The following BOLA3 variants were observed in gnomAD, a reference collection of about 807,000 sequenced individuals.
The protein encoded by BOLA3 is bolA-like protein 3.
A neutral mutation model predicts 14.5 loss-of-function variants in BOLA3; 8 were observed. That is an observed-to-expected ratio of 0.55 (90% CI 0.32 to 0.99). The LOEUF (loss-of-function observed/expected upper bound fraction) is 0.99, where lower values mean the gene tolerates loss of function less well. BOLA3 is among the 50% of genes least tolerant of loss of function. The pLI is 0.04. For missense variants in BOLA3, 115 were observed against 138.2 expected (o/e 0.83, Z 0.84); for synonymous variants, 42 against 45.7 (o/e 0.92, Z 0.33).
Position 74,142,314 on chromosome 2 carries a change from A to C in BOLA3, c.216T>G (p.Phe72Leu). The C allele has an allele frequency of 6.2e-7, 1 of 1,614,018 alleles. No individual in the cohort carries two copies. The change falls in exon 3 of 4, where the codon TTT (phenylalanine) becomes TTG (leucine). Residue 72 changes from phenylalanine (F) to leucine (L), a missense_variant. Physicochemically the swap from Phe to Leu is conservative, Grantham distance 22 (BLOSUM62 0). Transcript: ENST00000327428. The stretch of plus-strand genomic sequence containing the variant: ...GCTGCTGGACAGTTCTCTTCTCCTT[A>C]AATTCTTCTGATTCAATTTTAATTT... Reference protein sequence around the residue: ...MYEIKIESEEFKEKRTVQQHQ... With the variant: ...MYEIKIESEELKEKRTVQQHQ...
intron 1 of BOLA3, chr2:74,146,738 C>T (rs1692552516): frequency 6.6e-6 from 1 of 152,300 alleles, no homozygotes; most frequent in African/African-American, 2.4e-5. Context: ...CAGAGCACCT[C>T]CTTTAAAATG....
Position 74,142,342 on chromosome 2 carries a change from T to A in BOLA3, c.188A>T (p.Tyr63Phe), listed in dbSNP as rs891955694. 1 of 1,613,480 alleles carries A rather than the reference T, an allele frequency of 6.2e-7. No homozygotes were observed. ...TDISGGCGAM[Y>F]EIKIESEEFK... Reference sequence around the variant, plus strand: ...TTCTTCTGATTCAATTTTAATTTCATACATCGCCCCACAACCTCCTAAAAT... The same window carrying A: ...TTCTTCTGATTCAATTTTAATTTCAAACATCGCCCCACAACCTCCTAAAAT... The change falls in exon 3 of 4, where the codon TAT becomes TTT. Residue 63 changes from tyrosine (Y) to phenylalanine (F), a missense_variant. Tyr to Phe is a conservative substitution (Grantham distance 22). Coordinates refer to ENST00000327428, the MANE Select transcript of BOLA3 (RefSeq NM_212552.3).
chr2:74,142,443 T>A, intron 2 of BOLA3, 83 bp from the exon 3 acceptor site: 2 of 1,032,784 alleles, frequency 1.9e-6, no homozygotes, highest in Admixed American at 1.7e-5. Context: ...TACTGTACAA[T>A]CCAAAGGTCT....
chr2:74,142,438 T>C, intron 2 of BOLA3, 78 bp from the exon 3 acceptor site: 1 of 1,093,514 alleles, frequency 9.1e-7, no homozygotes, highest in Non-Finnish European at 1.4e-6. Flanking sequence ...TGAAGTACTG[T>C]ACAATCCAAA....
intron 1 of BOLA3, chr2:74,147,340 T>G: frequency 4.8e-6 from 1 of 208,280 alleles, no homozygotes; most frequent in South Asian, 6.5e-5. Context: ...GGGGGAGAGA[T>G]TAGGAGAGCG....
At chr2:74,137,222 C>G (rs985959084) in intron 3 of BOLA3, among the ~76,000 whole-genome samples, 1 of 152,166 alleles carries the variant, frequency 6.6e-6, no homozygotes, top group East Asian at 1.9e-4. Flanking sequence ...GGCACATGAC[C>G]CAAATTGGGC....
chr2:74,142,253 C>T lies in BOLA3; in HGVS notation c.258+19G>A. On this transcript the variant is annotated intron_variant, in intron 3 of 3. Transcript: ENST00000327428. The stretch of plus-strand genomic sequence containing the variant: ...GAGGCTGAAGGCCAGTGGCAAGGGG[C>T]ACTGTTGCCTCTACTGACCTGATTA... 1 of 1,580,868 alleles carries T rather than the reference C, an allele frequency of 6.3e-7. No individual in the cohort carries two copies.
intron 2 of BOLA3, 114 bp downstream of exon 2, chr2:74,145,075 T>G: frequency 1.4e-6 from 1 of 728,530 alleles, no homozygotes; most frequent in African/African-American, 1.7e-5. Flanking sequence ...CAGCAACACA[T>G]CTTGAGAAGC....
rs1177386410 is a variant in BOLA3 at position 74,145,191 on chromosome 2, G to A, written c.167C>T (p.Ser56Leu). 1 of 1,556,614 alleles carries A rather than the reference G, an allele frequency of 6.4e-7. No individual in the cohort carries two copies. Among genetic ancestry groups the A allele is most frequent in the African/African-American group, 1.4e-5 (1 of 73,966 alleles). ...AGGAAGAGTGAGAGAAACCTTACCT[G>A]AAATGTCAGTGACTTTTATAGCTGT... ...RATAIKVTDISGGCGAMYEIK... is the reference protein window; with the variant it reads ...RATAIKVTDILGGCGAMYEIK... Residue 56 changes from serine (S) to leucine (L), a missense_variant and splice_region_variant, in exon 2 of 4, where the codon TCA (serine) becomes TTA (leucine). By Grantham distance (145) the Ser-to-Leu change is moderately radical. Coordinates refer to ENST00000327428, the MANE Select transcript of BOLA3 (RefSeq NM_212552.3).
At chr2:74,145,502 A>G (rs1692527092) in intron 1 of BOLA3, 199 bp from the exon 2 acceptor site, 1 of 601,956 alleles carries the variant, frequency 1.7e-6, no homozygotes, top group African/African-American at 1.8e-5. Context: ...ATAAACTTTT[A>G]TTGGCGGGGA....
chr2:74,137,034 C>A (rs547613379), intron 3 of BOLA3, among the ~76,000 whole-genome samples: 1 of 152,248 alleles, frequency 6.6e-6, no homozygotes, highest in Non-Finnish European at 1.5e-5. Context: ...TTATACTAGG[C>A]CAAAATCTGA....
chr2:74,142,782 G>T (rs1245551292), intron 2 of BOLA3, among the ~76,000 whole-genome samples: 1 of 152,330 alleles, frequency 6.6e-6, no homozygotes, highest in East Asian at 1.9e-4. Context: ...CTACAATTTG[G>T]TTTGAAAACT....
chr2:74,141,931 A>G (rs1692443909), intron 3 of BOLA3, among the ~76,000 whole-genome samples: 1 of 152,100 alleles, frequency 6.6e-6, no homozygotes, highest in Admixed American at 6.6e-5. Context: ...AGAGAGGCCA[A>G]AAAACCCCTC....
chr2:74,136,142 G>T (rs182543563), intron 3 of BOLA3, among the ~76,000 whole-genome samples: 153 of 152,090 alleles, frequency 1.0e-3, no homozygotes, highest in African/African-American at 3.5e-3. Context: ...TAGAGGCAGG[G>T]TCTCACTATA....
chr2:74,140,384 T>C (rs533979871), intron 3 of BOLA3, among the ~76,000 whole-genome samples: 2 of 152,336 alleles, frequency 1.3e-5, no homozygotes, highest in African/African-American at 4.8e-5. Flanking sequence ...ATAATTTCCA[T>C]GGGTAAGCCA....
intron 2 of BOLA3, among the ~76,000 whole-genome samples, chr2:74,144,162 C>G (rs552872002): frequency 6.7e-6 from 1 of 149,814 alleles, no homozygotes; most frequent in Non-Finnish European, 1.5e-5. Flanking sequence ...TGTGCCACCA[C>G]GCCCAGTTAA....
chr2:74,143,391 C>G (rs1009312426), intron 2 of BOLA3, among the ~76,000 whole-genome samples: 1 of 152,172 alleles, frequency 6.6e-6, no homozygotes, highest in Non-Finnish European at 1.5e-5. Flanking sequence ...GATCTCCTGA[C>G]CTCGTGATCC....
Position 74,147,802 on chromosome 2 carries a change from C to A in BOLA3, c.54+19G>T. 6.5e-7 allele frequency: 1 copy of A among 1,529,890 alleles called. No homozygotes were observed. Among genetic ancestry groups the A allele is most frequent in the South Asian group, 1.2e-5 (1 of 83,736 alleles). 94.8% of individuals were successfully genotyped at this position (1,529,890 alleles called of 1,614,324 possible). On this transcript the variant is annotated intron_variant, in intron 1 of 3. Coordinates refer to ENST00000327428, the MANE Select transcript of BOLA3 (RefSeq NM_212552.3). ...GCTCCCGTCCCGGGGAGAGCAGCCC[C>A]GACCCTGCCCACGCTCACCCCGCGG...
At chr2:74,145,617 T>C (rs957914746) in intron 1 of BOLA3, 13 of 390,140 alleles carry the variant, frequency 3.3e-5, no homozygotes, top group South Asian at 1.8e-4. Context: ...ATTATGCCGA[T>C]AGTTTTATAG....
Sources: allele counts gnomAD v4.1 joint callset (sites outside exome capture counted in the v4.1 genomes callset), GRCh38; gene constraint gnomAD v4.1.1; transcripts MANE v1.5; gene names NCBI Gene and HGNC (gene_info 2026-07-23, HGNC 2026-07-21).